SPAM1: variants seen among roughly 807,000 people sequenced by gnomAD.
SPAM1 encodes hyaluronidase PH-20.
A neutral mutation model predicts 29.6 loss-of-function variants in SPAM1; 22 were observed. The observed-to-expected ratio is 0.74, with a 90% CI of 0.53 to 1.06. The LOEUF (loss-of-function observed/expected upper bound fraction) is 1.06. Ranked by LOEUF, SPAM1 falls within the 50% of genes least tolerant of loss-of-function variation. The pLI, the probability that SPAM1 is intolerant of heterozygous loss-of-function variation, is 0.00. For synonymous variants in SPAM1, 194 were observed against 204.6 expected (o/e 0.95, Z 0.44); for missense variants, 534 against 604.0 (o/e 0.88, Z 1.21).
In SPAM1 at chr7:123,959,511, A is replaced by G. The variant is rs769678711; in HGVS notation, c.1072A>G (p.Met358Val). 3 of 1,609,196 alleles carry G rather than the reference A, an allele frequency of 1.9e-6. No homozygotes were observed. The highest frequency in any genetic ancestry group is 2.2e-5 in the East Asian group (1 of 44,748). ...ATCTTGCTTGCTCCTAGACAATTAC[A>G]TGGAGACTATACTGAATCCTTACAT... ...MKSCLLLDNY[M>V]ETILNPYIIN... Residue 358 changes from methionine to valine, a missense_variant, in exon 5 of 5, where the codon ATG (methionine) becomes GTG (valine). Transcript: ENST00000682466.
downstream of SPAM1, among the ~76,000 whole-genome samples, chr7:123,960,475 G>C (rs558445550): frequency 6.8e-6 from 1 of 146,332 alleles, no homozygotes; most frequent in South Asian, 2.2e-4. Flanking sequence ...AAAACAAAAG[G>C]AGGGAAGAGA....
At chr7:123,970,961 T>C (rs953324860) in intron 6 of SPAM1, 1 of 152,074 alleles carries the variant, frequency 6.6e-6, no homozygotes, top group African/African-American at 2.4e-5. Flanking sequence ...TCCATATATG[T>C]TTCTGTTTAC....
rs555728028 is a variant in SPAM1 at position 123,937,999 on chromosome 7, A to G, written c.-318-11873A>G. 2.6e-5 allele frequency among the ~76,000 whole-genome samples: 4 copies of G among 152,258 alleles called. No homozygotes were observed. In the East Asian group the frequency reaches 7.7e-4, roughly 29 times the overall value. Reference sequence around the variant, plus strand: ...ATATTCAAATCTTGTACCATATCACATTAGTTAGAAAGAATGGTGGCAGTT... The same window carrying G: ...ATATTCAAATCTTGTACCATATCACGTTAGTTAGAAAGAATGGTGGCAGTT... On this transcript the variant is annotated intron_variant, in intron 1 of 4. Transcript: ENST00000682466.
At chr7:123,954,937 C>A in intron 3 of SPAM1, 60 bp from the exon 4 acceptor site, 1 of 1,099,212 alleles carries the variant, frequency 9.1e-7, no homozygotes, top group Non-Finnish European at 1.4e-6. Flanking sequence ...GCGTTGCTGT[C>A]CTATGTATAG....
At chr7:123,944,485 T>A (rs1306452955) in intron 1 of SPAM1, among the ~76,000 whole-genome samples, 3 of 152,114 alleles carry the variant, frequency 2.0e-5, no homozygotes, top group Non-Finnish European at 2.9e-5. Flanking sequence ...AAATGTAAAA[T>A]CTGTTTGTTA....
chr7:123,930,881 C>T (rs573168749), intron 1 of SPAM1, among the ~76,000 whole-genome samples: 2 of 152,294 alleles, frequency 1.3e-5, no homozygotes, highest in East Asian at 1.9e-4. Context: ...CAAAGGGACT[C>T]GATCCCCTGT....
intron 5 of SPAM1, among the ~76,000 whole-genome samples, chr7:123,968,411 T>C (rs1792456410): frequency 6.6e-6 from 1 of 152,046 alleles, no homozygotes; most frequent in Non-Finnish European, 1.5e-5. Flanking sequence ...TGGTGCCTCT[T>C]TCATGTTTCA....
chr7:123,943,459 C>A (rs141961831), intron 1 of SPAM1, among the ~76,000 whole-genome samples: 226 of 152,152 alleles, frequency 1.5e-3, no homozygotes, highest in African/African-American at 4.9e-3. Context: ...ACATAATAAT[C>A]ATAATTATTA....
chr7:123,969,509 T>TA (rs1792469984), intron 5 of SPAM1, among the ~76,000 whole-genome samples: 1 of 152,100 alleles, frequency 6.6e-6, no homozygotes, highest in South Asian at 2.1e-4. Context: ...TGCATATGGG[T>TA]ATCCAGTTCT....
rs1469408688 is a variant in SPAM1, at chr7:123,954,456, A to T, written c.886A>T (p.Ser296Cys). 3 of 1,613,330 alleles carry T rather than the reference A, an allele frequency of 1.9e-6. No individual in the cohort carries two copies. The highest frequency in any genetic ancestry group is 2.5e-6 in the Non-Finnish European group (3 of 1,179,586). ...AGTTTCCAAAATACCTGATGCAAAAAGTCCACTTCCGGTTTTTGCATATAC... is the reference window on the plus strand; with the variant it reads ...AGTTTCCAAAATACCTGATGCAAAATGTCCACTTCCGGTTTTTGCATATAC... ...IRVSKIPDAK[S>C]PLPVFAYTRI... is the part of the protein sequence containing the mutation. The change falls in exon 3 of 5, where the codon AGT (serine) becomes TGT (cysteine). Residue 296 changes from serine to cysteine, a missense_variant. Coordinates refer to ENST00000682466, the MANE Select transcript of SPAM1 (RefSeq NM_153189.3).
chr7:123,935,089 C>A (rs1176226975), intron 1 of SPAM1, among the ~76,000 whole-genome samples: 1 of 151,996 alleles, frequency 6.6e-6, no homozygotes, highest in African/African-American at 2.4e-5. Flanking sequence ...AAACACACAC[C>A]GTACCCTATA....
At chr7:123,957,691 G>T (rs534711688) in intron 4 of SPAM1, among the ~76,000 whole-genome samples, 2 of 152,078 alleles carry the variant, frequency 1.3e-5, no homozygotes, top group South Asian at 2.1e-4. Context: ...GTGACAGCAG[G>T]GCTGAATTCC....
intron 4 of SPAM1, among the ~76,000 whole-genome samples, chr7:123,958,109 T>G (rs1422033849): frequency 6.6e-6 from 1 of 152,012 alleles, no homozygotes; most frequent in African/African-American, 2.4e-5. Flanking sequence ...CAGACATTTT[T>G]GGGTATCAGT....
In SPAM1 at chr7:123,936,185, C is replaced by T. The variant is rs1230799312; in HGVS notation, c.-319+10833C>T. Among the ~76,000 whole-genome samples the T allele has an allele frequency of 3.3e-5, 5 of 152,294 alleles. 1 individual carries two copies. In the South Asian group the frequency reaches 1.0e-3, roughly 32 times the overall value. ...TGCACTGAGACAGCAGTGTTTGCAG[C>T]AGAGAAAGAGTTTATTGATTGCAGG... is the stretch of plus-strand genomic sequence containing the variant. On this transcript the variant is annotated intron_variant, in intron 1 of 4. Transcript: ENST00000682466.
downstream of SPAM1, among the ~76,000 whole-genome samples, chr7:123,960,439 A>G (rs1241261020): frequency 6.6e-6 from 1 of 151,990 alleles, no homozygotes; most frequent in African/African-American, 2.4e-5. Flanking sequence ...GAGAGGGAGA[A>G]GGAAAAAGTT....
intron 4 of SPAM1, 89 bp downstream of exon 4, chr7:123,955,175 G>T (rs1792222832): frequency 4.5e-6 from 4 of 893,816 alleles, no homozygotes; most frequent in Middle Eastern, 2.3e-4. Flanking sequence ...AAAATAAGTA[G>T]TACTATGCTT....
rs1301150557 is a variant in SPAM1, at chr7:123,959,711, A to C, written c.1272A>C (p.Glu424Asp). Residue 424 changes from glutamate to aspartate, a missense_variant, in exon 5 of 5, where the codon GAA (glutamate) becomes GAC (aspartate). Physicochemically the swap from Glu to Asp is conservative, Grantham distance 45. Transcript: ENST00000682466. Reference protein sequence around the residue: ...KFTVRGKPTLEDLEQFSEKFY... With the variant: ...KFTVRGKPTLDDLEQFSEKFY... Reference sequence around the variant, plus strand: ...CAGTACGTGGAAAACCGACACTTGAAGACCTGGAGCAATTTTCTGAAAAAT... The same window carrying C: ...CAGTACGTGGAAAACCGACACTTGACGACCTGGAGCAATTTTCTGAAAAAT... 1.9e-6 allele frequency: 3 copies of C among 1,613,332 alleles called. No individual in the cohort carries two copies. The highest frequency in any genetic ancestry group is 2.5e-6 in the Non-Finnish European group (3 of 1,179,560).
intron 4 of SPAM1, among the ~76,000 whole-genome samples, chr7:123,957,513 C>A (rs1048939159): frequency 1.3e-5 from 2 of 151,964 alleles, no homozygotes; most frequent in African/African-American, 4.8e-5. Context: ...TTCAAAACAC[C>A]ATTCAAAAAT....
At chr7:123,955,843 A>C (rs1348701433) in intron 4 of SPAM1, among the ~76,000 whole-genome samples, 1 of 152,000 alleles carries the variant, frequency 6.6e-6, no homozygotes, top group Non-Finnish European at 1.5e-5. Flanking sequence ...ATAAGTTCAG[A>C]AGAAGGTATA....
Sources: gnomAD v4.1 joint callset for allele counts (sites outside exome capture counted in the v4.1 genomes callset) on GRCh38, gnomAD v4.1.1 for gene constraint, MANE v1.5 for transcripts, NCBI Gene and HGNC (gene_info 2026-07-23, HGNC 2026-07-21) for gene names.